Variants in SCN8A observed in about 807,000 individuals in gnomAD.
SCN8A encodes sodium voltage-gated channel alpha subunit 8.
Under a neutral mutation model 184.1 loss-of-function variants are expected in SCN8A, and 30 were observed. The observed-to-expected ratio is 0.16, with a 90% CI of 0.12 to 0.22. SCN8A has a LOEUF of 0.22. SCN8A is among the 10% of genes least tolerant of loss of function. The pLI is 1.00. For missense variants in SCN8A, 1,057 were observed against 2,498.9 expected (o/e 0.42, Z 12.30); for synonymous variants, 852 against 907.0 (o/e 0.94, Z 1.09).
At chr12:51,598,706 G>A (rs528253905) in intron 1 of SCN8A, among the ~76,000 whole-genome samples, 12 of 152,228 alleles carry the variant, frequency 7.9e-5, no homozygotes, top group Non-Finnish European at 1.8e-4. Context: ...TCCCAGTCAT[G>A]CAGTATGCAC....
At chr12:51,630,188 A>T (rs1028496889) in intron 1 of SCN8A, among the ~76,000 whole-genome samples, 1 of 152,106 alleles carries the variant, frequency 6.6e-6, no homozygotes, top group Non-Finnish European at 1.5e-5. Flanking sequence ...TCACATTGTT[A>T]TGTAACCATC....
At chr12:51,747,228 AGACT>A (rs1942527266) in intron 13 of SCN8A, among the ~76,000 whole-genome samples, 1 of 152,056 alleles carries the variant, frequency 6.6e-6, no homozygotes, top group Non-Finnish European at 1.5e-5. Context: ...GACTATAACT[AGACT>A]GACCTTGAGA....
intron 2 of SCN8A, among the ~76,000 whole-genome samples, chr12:51,680,418 GA>G (rs1941310285): frequency 6.6e-6 from 1 of 152,184 alleles, no homozygotes; most frequent in Non-Finnish European, 1.5e-5. Flanking sequence ...GCTCATGACT[GA>G]TCCTAATTCA....
At chr12:51,775,670 A>T (rs1236075679) in intron 20 of SCN8A, among the ~76,000 whole-genome samples, 1 of 152,228 alleles carries the variant, frequency 6.6e-6, no homozygotes, top group Non-Finnish European at 1.5e-5. Flanking sequence ...TGGGATTGAG[A>T]TAAGACCCAG....
intron 23 of SCN8A, 56 bp downstream of exon 23, chr12:51,788,804 C>CA: frequency 6.7e-7 from 1 of 1,491,614 alleles, no homozygotes; most frequent in Non-Finnish European, 9.2e-7. Context: ...AAGCAAGCAG[C>CA]ATGGTATACC....
intron 6 of SCN8A, among the ~76,000 whole-genome samples, chr12:51,692,577 A>G (rs1565888837): frequency 6.6e-6 from 1 of 152,246 alleles, no homozygotes; most frequent in African/African-American, 2.4e-5. Context: ...GGTCGGTTAT[A>G]GAGGAGACCC....
intron 12 of SCN8A, among the ~76,000 whole-genome samples, chr12:51,736,693 C>T (rs1282097294): frequency 6.6e-6 from 1 of 152,226 alleles, no homozygotes; most frequent in Non-Finnish European, 1.5e-5. Flanking sequence ...GTGCATTCTA[C>T]TCCTAACTGC....
chr12:51,769,975 C>T lies in SCN8A; in HGVS notation c.3480C>T (p.Cys1160=), dbSNP rs760251864. ...QPEEYLDPDA[C]FTEGCVQRFK... is the part of the protein sequence containing the mutation. ...AGGAATACTTGGATCCAGATGCCTG[C>T]TTCACAGAAGGTGAAAGGGGATGAG... Residue 1160 remains cysteine (C), a synonymous_variant, in exon 18 of 27, where the codon TGC becomes TGT. Coordinates refer to ENST00000627620, the MANE Select transcript of SCN8A (RefSeq NM_001330260.2). 2.5e-6 allele frequency: 4 copies of T among 1,593,170 alleles called. No individual in the cohort carries two copies. The highest frequency in any genetic ancestry group is 3.4e-6 in the Non-Finnish European group (4 of 1,168,718).
Position 51,629,554 on chromosome 12 carries a change from T to C in SCN8A, c.-54-33210T>C, listed in dbSNP as rs566478869. On this transcript the variant is annotated intron_variant, in intron 1 of 26. Transcript: ENST00000627620. Reference sequence around the variant, plus strand: ...ACTCTGGTAATTTATACTTTTTTGTTTTGCAAGTGAATTCTGCATCAGTTT... The same window carrying C: ...ACTCTGGTAATTTATACTTTTTTGTCTTGCAAGTGAATTCTGCATCAGTTT... 7.7e-4 allele frequency among the ~76,000 whole-genome samples: 116 copies of C among 150,086 alleles called. 1 individual carries two copies. Among genetic ancestry groups the C allele is most frequent in the African/African-American group, 2.7e-3 (111 of 40,534 alleles).
At chr12:51,802,283 G>A (rs1938576176) in intron 26 of SCN8A, among the ~76,000 whole-genome samples, 1 of 152,144 alleles carries the variant, frequency 6.6e-6, no homozygotes, top group South Asian at 2.1e-4. Flanking sequence ...TGGAAAGGCT[G>A]GTGGCAGCCT....
intron 11 of SCN8A, among the ~76,000 whole-genome samples, chr12:51,717,028 C>A (rs965903839): frequency 6.6e-6 from 1 of 152,174 alleles, no homozygotes; most frequent in Admixed American, 6.5e-5. Context: ...ACTTACCTAT[C>A]CTGCCTCATC....
intron 2 of SCN8A, among the ~76,000 whole-genome samples, chr12:51,669,985 T>C (rs1167224390): frequency 6.6e-6 from 1 of 152,246 alleles, no homozygotes; most frequent in Non-Finnish European, 1.5e-5. Context: ...GCTTTCTGTT[T>C]TAAATAAAAA....
chr12:51,668,351 A>G (rs1372608856), intron 2 of SCN8A, among the ~76,000 whole-genome samples: 5 of 152,168 alleles, frequency 3.3e-5, no homozygotes, highest in African/African-American at 9.7e-5. Context: ...TATAAATTTT[A>G]TGAGGTGAAG....
intron 2 of SCN8A, among the ~76,000 whole-genome samples, chr12:51,671,511 G>A (rs1437344000): frequency 6.6e-6 from 1 of 152,138 alleles, no homozygotes; most frequent in African/African-American, 2.4e-5. Context: ...ATTAGTTTCT[G>A]TTGGTTTCTC....
intron 1 of SCN8A, among the ~76,000 whole-genome samples, chr12:51,644,714 G>A (rs1406602424): frequency 2.7e-5 from 4 of 150,810 alleles, no homozygotes; most frequent in South Asian, 2.1e-4. Flanking sequence ...GGATGTGAGG[G>A]GCCCCTCTGC....
At chr12:51,601,137 G>T (rs376717134) in intron 1 of SCN8A, among the ~76,000 whole-genome samples, 4 of 152,160 alleles carry the variant, frequency 2.6e-5, no homozygotes, top group Non-Finnish European at 5.9e-5. Context: ...TCTTGGAAAG[G>T]CATTCTTAAG....
chr12:51,723,847 TA>T (rs34404145), intron 12 of SCN8A, among the ~76,000 whole-genome samples: 113,019 of 148,992 alleles, frequency 0.76, 44,807 homozygotes, highest in East Asian at 0.9. Context: ...GACTCCATCT[TA>T]AAAAAAAAAA....
intron 3 of SCN8A, among the ~76,000 whole-genome samples, chr12:51,684,607 G>C (rs946436148): frequency 3.3e-5 from 5 of 152,088 alleles, no homozygotes; most frequent in Admixed American, 3.3e-4. Context: ...TCTTTCTGTG[G>C]CCAACTATTC....
chr12:51,773,250 G>T (rs1394926014), intron 19 of SCN8A, among the ~76,000 whole-genome samples: 1 of 152,140 alleles, frequency 6.6e-6, no homozygotes, highest in African/African-American at 2.4e-5. Context: ...TATCACAGAG[G>T]ACTTCCTCCC....
Sources: allele counts gnomAD v4.1 joint callset (sites outside exome capture counted in the v4.1 genomes callset), GRCh38; gene constraint gnomAD v4.1.1; transcripts MANE v1.5; gene names NCBI Gene and HGNC (gene_info 2026-07-23, HGNC 2026-07-21).